The following RPL7 variants were observed in gnomAD, a reference collection of about 807,000 sequenced individuals.
The protein encoded by RPL7 is large ribosomal subunit protein uL30.
For synonymous variants in RPL7, 100 were observed against 102.2 expected (o/e 0.98, Z 0.13); for missense variants, 205 against 301.9 (o/e 0.68, Z 2.38).
At chr8:73,291,330 G>C in intron 5 of RPL7, 78 bp from the exon 6 acceptor site, 1 of 1,185,678 alleles carries the variant, frequency 8.4e-7, no homozygotes, top group Non-Finnish European at 1.2e-6. Context: ...TTTTTGAATA[G>C]GCTGTGAGAT....
In RPL7 at chr8:73,291,417, T is replaced by TA. The variant is rs1814092457; in HGVS notation, c.538+134dup. On this transcript the variant is annotated intron_variant, in intron 5 of 6. Coordinates refer to ENST00000352983, the MANE Select transcript of RPL7 (RefSeq NM_000971.4). ...GGTTCAAGCTAATGAAACCATGTCT[T>TA]ACGTTTTCTTTTAAGCTAAATCAAG... The TA allele has an allele frequency of 9.3e-6, 8 of 857,058 alleles. No homozygotes were observed. In the East Asian group the frequency reaches 1.9e-4, roughly 20 times the overall value. 53.1% of individuals were successfully genotyped at this position (857,058 alleles called of 1,614,324 possible).
intron 2 of RPL7, 104 bp from the exon 3 acceptor site, chr8:73,292,509 T>C: frequency 8.4e-7 from 1 of 1,193,390 alleles, no homozygotes; most frequent in Non-Finnish European, 1.2e-6. Flanking sequence ...AATCTTTTCT[T>C]GCCACAGTAT....
At chr8:73,292,061 G>T in intron 3 of RPL7, 151 bp from the exon 4 acceptor site, 1 of 1,223,732 alleles carries the variant, frequency 8.2e-7, no homozygotes, top group Non-Finnish European at 1.2e-6. Context: ...TAAGAGAAGG[G>T]ATAGGAGCTT....
Position 73,292,807 on chromosome 8 carries a change from A to T in RPL7, c.15-10T>A. ...CTCCTTCTTCTTCTCTCTAACGTTA[A>T]TAAACAAAAATGTTATCAATAGCTC... On this transcript the variant is annotated splice_polypyrimidine_tract_variant and intron_variant, in intron 1 of 6. Transcript: ENST00000352983. 1 of 1,590,024 alleles carries T rather than the reference A, an allele frequency of 6.3e-7. No homozygotes were observed. The highest frequency in any genetic ancestry group is 8.6e-7 in the Non-Finnish European group (1 of 1,163,874).
upstream of RPL7, chr8:73,294,459 G>T (rs941632463): frequency 1.8e-4 from 28 of 153,828 alleles, no homozygotes; most frequent in African/African-American, 6.5e-4. Flanking sequence ...TCGGCTCCGC[G>T]GACGGCTGGC....
intron 1 of RPL7, chr8:73,293,357 C>A: frequency 2.0e-6 from 1 of 508,734 alleles, no homozygotes; most frequent in Non-Finnish European, 3.6e-6. Context: ...CGTCAGCCAA[C>A]CGACGGGTTC....
chr8:73,291,900 C>A lies in RPL7; in HGVS notation c.301G>T (p.Val101Leu). 6.2e-7 allele frequency: 1 copy of A among 1,612,074 alleles called. No homozygotes were observed. The highest frequency in any genetic ancestry group is 1.7e-4 in the Middle Eastern group (1 of 6,058). Residue 101 changes from valine to leucine, a missense_variant, in exon 4 of 7, where the codon GTG becomes TTG. By Grantham distance (32) the Val-to-Leu change is conservative. Coordinates refer to ENST00000352983, the MANE Select transcript of RPL7 (RefSeq NM_000971.4). ...AACACCTTTCGAACCTTTGGGCTCA[C>A]TCCATTGATACTGTGGTGAAAACGG... ...FVIRIRGING[V>L]SPKVRKVLQL...
intron 4 of RPL7, 44 bp downstream of exon 4, chr8:73,291,729 T>C: frequency 6.3e-7 from 1 of 1,592,828 alleles, no homozygotes; most frequent in African/African-American, 1.3e-5. Context: ...TGTTGCTACA[T>C]AACCAATTTA....
At chr8:73,291,009 T>A in intron 6 of RPL7, 34 bp downstream of exon 6, 1 of 1,507,550 alleles carries the variant, frequency 6.6e-7, no homozygotes, top group Non-Finnish European at 9.2e-7. Context: ...TACTCTAACA[T>A]TAACTCAACC....
Position 73,292,812 on chromosome 8 carries a change from C to T in RPL7, c.15-15G>A, listed in dbSNP as rs372037898. 2.0e-5 allele frequency: 31 copies of T among 1,579,170 alleles called. No individual in the cohort carries two copies. The highest frequency in any genetic ancestry group is 2.5e-5 in the Non-Finnish European group (29 of 1,155,394). On this transcript the variant is annotated splice_polypyrimidine_tract_variant and intron_variant, in intron 1 of 6. Transcript: ENST00000352983. ...TCTTCTTCTCTCTAACGTTAATAAA[C>T]AAAAATGTTATCAATAGCTCAAAAA... is the stretch of plus-strand genomic sequence containing the variant.
rs778262838 is a variant in RPL7 at position 73,292,304 on chromosome 8, T to G, written c.225A>C (p.Ala75=). 1 of 1,611,912 alleles carries G rather than the reference T, an allele frequency of 6.2e-7. No individual in the cohort carries two copies. The change falls in exon 3 of 7, where the codon GCA becomes GCC. Residue 75 remains alanine (A), a synonymous_variant. Coordinates refer to ENST00000352983, the MANE Select transcript of RPL7 (RefSeq NM_000971.4). ...YRTEIRMARM[A]RKAGNFYVPA... Reference sequence around the variant, plus strand: ...GTACATAGAAGTTGCCAGCTTTTCTTGCCATCCTCGCCATTCGAATTTCAG... The same window carrying G: ...GTACATAGAAGTTGCCAGCTTTTCTGGCCATCCTCGCCATTCGAATTTCAG...
intron 1 of RPL7, 87 bp from the exon 2 acceptor site, chr8:73,292,884 G>A (rs1219148700): frequency 7.4e-6 from 7 of 949,548 alleles, no homozygotes; most frequent in Non-Finnish European, 1.1e-5. Flanking sequence ...TTGTTTACCA[G>A]AAATGCTGTC....
rs773946180 is a variant in RPL7, at chr8:73,291,209, G to A, written c.582C>T (p.Ile194=). The change falls in exon 6 of 7, where the codon ATC becomes ATT. Residue 194 remains isoleucine (I), a synonymous_variant. Coordinates refer to ENST00000352983, the MANE Select transcript of RPL7 (RefSeq NM_000971.4). ...CTTTGAAGCGTTTTCCAACAGTATA[G>A]ATCTCATGAATCAAATCCTCCATGC... ...IICMEDLIHE[I]YTVGKRFKEA... 1 of 1,610,592 alleles carries A rather than the reference G, an allele frequency of 6.2e-7. No individual in the cohort carries two copies. The highest frequency in any genetic ancestry group is 2.2e-5 in the East Asian group (1 of 44,856).
intron 3 of RPL7, among the ~76,000 whole-genome samples, 161 bp downstream of exon 3, chr8:73,292,078 C>T (rs753924173): frequency 6.6e-6 from 1 of 152,164 alleles, no homozygotes; most frequent in Non-Finnish European, 1.5e-5. Flanking sequence ...GCTTGGGGAA[C>T]ATGGCTTGCA....
chr8:73,291,767 A>G lies in RPL7; in HGVS notation c.428+6T>C. On this transcript the variant is annotated splice_donor_region_variant and intron_variant, in intron 4 of 6. Transcript: ENST00000352983. ...AAATAGAAATCAAAGGAGAAAAGAGACTTACCCCCATGCAATATATGGCTC... is the reference window on the plus strand; with the variant it reads ...AAATAGAAATCAAAGGAGAAAAGAGGCTTACCCCCATGCAATATATGGCTC... 6.2e-7 allele frequency: 1 copy of G among 1,600,872 alleles called. No homozygotes were observed. Among genetic ancestry groups the G allele is most frequent in the East Asian group, 2.3e-5 (1 of 44,422 alleles).
In RPL7 at chr8:73,291,036, C is replaced by T; in HGVS notation, c.*1+7G>A. 1 of 1,603,678 alleles carries T rather than the reference C, an allele frequency of 6.2e-7. No homozygotes were observed. The highest frequency in any genetic ancestry group is 8.5e-7 in the Non-Finnish European group (1 of 1,172,240). On this transcript the variant is annotated splice_region_variant and intron_variant, in intron 6 of 6. Transcript: ENST00000352983. ...AACTCAACCTTTCTCAGGATGAGGT[C>T]TCTCACCTTAGTTCATTCTTCTAAT... is the stretch of plus-strand genomic sequence containing the variant.
At chr8:73,292,896 C>T in intron 1 of RPL7, 99 bp from the exon 2 acceptor site, 4 of 834,914 alleles carry the variant, frequency 4.8e-6, no homozygotes, top group Non-Finnish European at 5.7e-6. Context: ...AATGCTGTCA[C>T]TGACTTTAGT....
intron 5 of RPL7, 61 bp downstream of exon 5, chr8:73,291,491 A>C (rs1176917825): frequency 8.1e-7 from 1 of 1,234,210 alleles, no homozygotes; most frequent in Non-Finnish European, 1.2e-6. Context: ...ATGTACGGCC[A>C]CAAGAGGGTA....
At chr8:73,292,646 A>G in intron 2 of RPL7, 43 bp downstream of exon 2, 1 of 1,420,518 alleles carries the variant, frequency 7.0e-7, no homozygotes, top group Non-Finnish European at 9.8e-7. Flanking sequence ...CAATCCCAAT[A>G]AGGCGCCTCC....
Sources: gnomAD v4.1 joint callset for allele counts (sites outside exome capture counted in the v4.1 genomes callset) on GRCh38, gnomAD v4.1.1 for gene constraint, MANE v1.5 for transcripts, NCBI Gene and HGNC (gene_info 2026-07-23, HGNC 2026-07-21) for gene names.